Variants in CACNA1A observed in about 807,000 individuals in gnomAD.
The protein encoded by CACNA1A is calcium voltage-gated channel subunit alpha1 A.
Under a neutral mutation model 262.4 loss-of-function variants are expected in CACNA1A, and 57 were observed. The ratio of observed to expected loss-of-function variants is 0.22; its 90% CI spans 0.18 to 0.27. The LOEUF (loss-of-function observed/expected upper bound fraction) is 0.27. CACNA1A is among the 10% of genes least tolerant of loss of function. CACNA1A has a pLI of 1.00. For missense variants in CACNA1A, 2,526 were observed against 3,562.8 expected, an observed-to-expected ratio of 0.71 and a Z score of 7.41; for synonymous variants, 1,431 against 1,419.3, an observed-to-expected ratio of 1.01 and a Z score of -0.18.
Position 13,257,498 on chromosome 19 carries a change from C to G in CACNA1A, c.4442G>C (p.Gly1481Ala). ...ATFENQGPSPGYRMEMSIFYV... is the reference protein window; with the variant it reads ...ATFENQGPSPAYRMEMSIFYV... ...GAAAATGGACATCTCCATGCGGTAC[C>G]CGGGGCTGGGGCCCTGGTTCTCAAA... Residue 1481 changes from glycine (G) to alanine (A), a missense_variant, in exon 28 of 47, where the codon GGG (glycine) becomes GCG (alanine). Coordinates refer to ENST00000360228, the MANE Select transcript of CACNA1A (RefSeq NM_001127222.2). The G allele has an allele frequency of 1.2e-6, 2 of 1,606,806 alleles. No homozygotes were observed. Among genetic ancestry groups the G allele is most frequent in the Non-Finnish European group, 1.7e-6 (2 of 1,176,308 alleles).
chr19:13,231,629 A>G, intron 35 of CACNA1A, 81 bp downstream of exon 35: 2 of 1,424,328 alleles, frequency 1.4e-6, no homozygotes, highest in Non-Finnish European at 9.6e-7. Context: ...CGACACAGCC[A>G]CATTCCACAG....
At chr19:13,222,195 C>T (rs958333969) in intron 38 of CACNA1A, among the ~76,000 whole-genome samples, 4 of 152,184 alleles carry the variant, frequency 2.6e-5, no homozygotes, top group Admixed American at 6.5e-5. Context: ...GCACACGCCA[C>T]GACACCCGGC....
At chr19:13,433,485 T>TAAAAAAAAAAAAAAAAAA (rs2060557447) in intron 3 of CACNA1A, among the ~76,000 whole-genome samples, 2 of 75,436 alleles carry the variant, frequency 2.7e-5, no homozygotes, top group South Asian at 6.7e-4. Context: ...AAAAAAAAAG[T>TAAAAAAAAAAAAAAAAAA]CAGCTGAAGA....
Position 13,496,075 on chromosome 19 carries a change from TCCATCCATCCATCCAC to T in CACNA1A, c.293+9841_293+9856del, listed in dbSNP as rs746542895. Reference sequence around the variant, plus strand: ...ATCCATCCATCCATCCATCCATCCATCCATCCATCCATCCACCCAGACATCCAACACTAACTGCAGA... The same window carrying T: ...ATCCATCCATCCATCCATCCATCCATCCAGACATCCAACACTAACTGCAGA... On this transcript the variant is annotated intron_variant, in intron 1 of 46. Coordinates refer to ENST00000360228, the MANE Select transcript of CACNA1A (RefSeq NM_001127222.2). 2.0e-3 allele frequency among the ~76,000 whole-genome samples: 299 copies of T among 148,300 alleles called. 2 individuals carry two copies. The highest frequency in any genetic ancestry group is 6.0e-3 in the African/African-American group (230 of 38,184).
intron 10 of CACNA1A, among the ~76,000 whole-genome samples, chr19:13,320,801 A>G (rs2058236827): frequency 6.6e-6 from 1 of 152,152 alleles, no homozygotes; most frequent in South Asian, 2.1e-4. Context: ...ATTTTTAAAA[A>G]TCACTTTCAT....
chr19:13,298,418 T>C (rs557538701), intron 19 of CACNA1A, 126 bp downstream of exon 19: 5 of 929,662 alleles, frequency 5.4e-6, no homozygotes, highest in South Asian at 1.8e-5. Flanking sequence ...CGTGAGCCAC[T>C]GCGCCTGGCC....
chr19:13,257,694 G>C, intron 27 of CACNA1A, 143 bp from the exon 28 acceptor site: 1 of 499,608 alleles, frequency 2.0e-6, no homozygotes. Flanking sequence ...TTAAGTAGTC[G>C]CTGTTTTTTG....
intron 1 of CACNA1A, among the ~76,000 whole-genome samples, chr19:13,469,796 CTCCCTTAAATGCAAACCAACG>C (rs2061319293): frequency 6.6e-6 from 1 of 151,774 alleles, no homozygotes; most frequent in African/African-American, 2.4e-5. Context: ...AGCTCACTAA[CTCCCTTAAATGCAAACCAACG>C]TCCATCCCAT....
intron 19 of CACNA1A, among the ~76,000 whole-genome samples, chr19:13,298,166 TG>T (rs2057706875): frequency 7.8e-6 from 1 of 128,780 alleles, no homozygotes; most frequent in Non-Finnish European, 1.6e-5. Context: ...AGTCTCACTC[TG>T]TCGCCCAGGC....
At chr19:13,325,118 CTTCCCA>C (rs1206515839) in intron 10 of CACNA1A, among the ~76,000 whole-genome samples, 2 of 149,632 alleles carry the variant, frequency 1.3e-5, no homozygotes, top group African/African-American at 2.5e-5. Context: ...TCCCCTTCCC[CTTCCCA>C]TTCCTCCTCC....
In CACNA1A at chr19:13,497,555, T is replaced by A. The variant is rs372617786; in HGVS notation, c.293+8377A>T. Among the ~76,000 whole-genome samples, 9 of 33,176 alleles carry A rather than the reference T, an allele frequency of 2.7e-4. 2 individuals are homozygous for A. The highest frequency in any genetic ancestry group is 2.7e-4 in the Non-Finnish European group (5 of 18,610). 21.8% of individuals were successfully genotyped at this position (33,176 alleles called of 152,430 possible). A position where few individuals can be genotyped will look rare whatever the true frequency, so the allele number is the denominator to read the frequency against. On this transcript the variant is annotated intron_variant, in intron 1 of 46. Transcript: ENST00000360228. ...ATATATATATATATATATATATATA[T>A]ATATATATATATATATATATATATA...
At chr19:13,377,254 A>T (rs1037260224) in intron 3 of CACNA1A, among the ~76,000 whole-genome samples, 6 of 150,854 alleles carry the variant, frequency 4.0e-5, no homozygotes, top group Non-Finnish European at 7.4e-5. Flanking sequence ...GAGCCACTGT[A>T]CCCAGCCAGA....
chr19:13,316,937 ATTGTC>A, intron 11 of CACNA1A, 170 bp downstream of exon 11: 1 of 535,798 alleles, frequency 1.9e-6, no homozygotes, highest in Non-Finnish European at 3.3e-6. Flanking sequence ...GATGGGTTCC[ATTGTC>A]ATAGCAACAG....
chr19:13,295,793 T>A (rs2057654056), intron 19 of CACNA1A, among the ~76,000 whole-genome samples: 1 of 152,162 alleles, frequency 6.6e-6, no homozygotes, highest in African/African-American at 2.4e-5. Flanking sequence ...CTGCACCTGA[T>A]CCTGTGCTTT....
chr19:13,307,234 T>TTTTTTC (rs889129506), intron 15 of CACNA1A: 2 of 152,380 alleles, frequency 1.3e-5, no homozygotes, highest in Non-Finnish European at 2.9e-5. Flanking sequence ...AAGTGGTTTT[T>TTTTTTC]TTTTTCTTTT....
intron 3 of CACNA1A, among the ~76,000 whole-genome samples, chr19:13,427,166 C>CT (rs1462165450): frequency 6.6e-6 from 1 of 152,048 alleles, no homozygotes; most frequent in Non-Finnish European, 1.5e-5. Context: ...AGTGGTCCCC[C>CT]CCAGGGCATG....
intron 29 of CACNA1A, among the ~76,000 whole-genome samples, chr19:13,254,062 C>T (rs757323665): frequency 8.5e-5 from 13 of 152,104 alleles, no homozygotes; most frequent in Non-Finnish European, 1.3e-4. Context: ...TTTGAAGTGC[C>T]GAGAAGGAGC....
chr19:13,232,122 G>A (rs1020707728), intron 34 of CACNA1A, among the ~76,000 whole-genome samples: 24 of 152,158 alleles, frequency 1.6e-4, no homozygotes, highest in African/African-American at 4.1e-4. Context: ...GGTCTAGGGT[G>A]GGATTTGAGG....
intron 1 of CACNA1A, among the ~76,000 whole-genome samples, chr19:13,497,510 AAAAAAAAAAAAATATATATATATAT>A: frequency 2.2e-5 from 1 of 45,028 alleles, no homozygotes; most frequent in African/African-American, 8.9e-5. Context: ...AAAAAAAAAA[AAAAAAAAAAAAATATATATATATAT>A]ATATATATAT....
Sources: allele counts gnomAD v4.1 joint callset (sites outside exome capture counted in the v4.1 genomes callset), GRCh38; gene constraint gnomAD v4.1.1; transcripts MANE v1.5; gene names NCBI Gene and HGNC (gene_info 2026-07-23, HGNC 2026-07-21).